STK4: variants seen among roughly 807,000 people sequenced by gnomAD.
The protein encoded by STK4 is serine/threonine kinase 4.
Under a neutral mutation model 64.9 loss-of-function variants are expected in STK4, and 30 were observed. The ratio of observed to expected loss-of-function variants is 0.46; its 90% confidence interval spans 0.35 to 0.63. STK4 has a LOEUF of 0.63. Ranked by LOEUF, STK4 falls within the 20% of genes least tolerant of loss-of-function variation. The probability of loss-of-function intolerance (pLI) is 0.01; values close to 1 mark genes in which losing one functional copy is unlikely to be tolerated. For missense variants in STK4, 466 were observed against 598.5 expected (o/e 0.78, Z 2.31); for synonymous variants, 177 against 199.0 (o/e 0.89, Z 0.93).
chr20:45,052,283 C>G (rs1047054212), intron 10 of STK4, among the ~76,000 whole-genome samples: 4 of 152,242 alleles, frequency 2.6e-5, no homozygotes, highest in Admixed American at 2.0e-4. Flanking sequence ...TTCCACCCCC[C>G]CCAGCAATAA....
chr20:45,007,743 T>G (rs2145712645), intron 9 of STK4: 1 of 403,920 alleles, frequency 2.5e-6, no homozygotes, highest in East Asian at 7.3e-5. Context: ...TTCGAAACAA[T>G]TGTTTATTCA....
intron 5 of STK4, among the ~76,000 whole-genome samples, chr20:44,988,533 G>GTGTGTGTA (rs1221720136): frequency 9.8e-6 from 1 of 101,586 alleles, no homozygotes; most frequent in Admixed American, 1.2e-4. Context: ...ATGTGTGTGT[G>GTGTGTGTA]TATATATATA....
chr20:44,999,146 C>T (rs1208881174), intron 7 of STK4, among the ~76,000 whole-genome samples: 1 of 151,578 alleles, frequency 6.6e-6, no homozygotes, highest in Non-Finnish European at 1.5e-5. Flanking sequence ...AATGAGTGGA[C>T]ACTAGCATGA....
intron 10 of STK4, among the ~76,000 whole-genome samples, chr20:45,048,058 C>T (rs2068723068): frequency 6.6e-6 from 1 of 152,150 alleles, no homozygotes; most frequent in South Asian, 2.1e-4. Context: ...AAAAGATGCT[C>T]AGTATATATA....
chr20:45,053,034 G>A (rs1447137738), intron 10 of STK4: 3 of 1,407,486 alleles, frequency 2.1e-6, no homozygotes, highest in Non-Finnish European at 3.0e-6. Flanking sequence ...TGTTGAGACT[G>A]AATTTATTTG....
In STK4 at chr20:45,064,087, C is replaced by T. The variant is rs529909982; in HGVS notation, c.1306-10931C>T. 1.1e-4 allele frequency among the ~76,000 whole-genome samples: 17 copies of T among 150,176 alleles called. No homozygotes were observed. The South Asian group carries it at 3.2e-3, about 28-fold the overall frequency. Reference sequence around the variant, plus strand: ...CCTCCCAAAGTGCTGGGATTACAGGCGTGAGCCACTGCGCCCGGCCAAGGG... The same window carrying T: ...CCTCCCAAAGTGCTGGGATTACAGGTGTGAGCCACTGCGCCCGGCCAAGGG... On this transcript the variant is annotated intron_variant, in intron 10 of 10. Coordinates refer to ENST00000372806, the MANE Select transcript of STK4 (RefSeq NM_006282.5).
chr20:44,967,134 G>T, intron 1 of STK4: 1 of 985,286 alleles, frequency 1.0e-6, no homozygotes, highest in South Asian at 4.7e-5. Context: ...GCAAGGGAGG[G>T]GATGGTGGAG....
chr20:45,043,824 C>T (rs1413161290), intron 10 of STK4, among the ~76,000 whole-genome samples: 1 of 152,202 alleles, frequency 6.6e-6, no homozygotes, highest in African/African-American at 2.4e-5. Context: ...CCTGTAGTCA[C>T]TTCATAAATG....
chr20:44,974,639 T>C (rs1222945684), intron 2 of STK4: 1 of 152,016 alleles, frequency 6.6e-6, no homozygotes, highest in African/African-American at 2.4e-5. Context: ...CCCGACTTAT[T>C]TTTTGTATTT....
At chr20:45,022,880 A>G (rs896579041) in intron 9 of STK4, among the ~76,000 whole-genome samples, 6 of 152,202 alleles carry the variant, frequency 3.9e-5, no homozygotes, top group Non-Finnish European at 7.3e-5. Flanking sequence ...ATAAAAATGA[A>G]TGGATGGATG....
At chr20:44,976,192 C>T (rs1391966580) in intron 2 of STK4, among the ~76,000 whole-genome samples, 2 of 152,054 alleles carry the variant, frequency 1.3e-5, no homozygotes, top group African/African-American at 4.8e-5. Context: ...GTAAACTAGA[C>T]AAACTGAAAG....
chr20:45,009,240 A>C (rs1486479129), intron 9 of STK4, among the ~76,000 whole-genome samples: 1 of 152,178 alleles, frequency 6.6e-6, no homozygotes, highest in Non-Finnish European at 1.5e-5. Context: ...ATCCACTTTC[A>C]ATCTTCTTAA....
intron 8 of STK4, 97 bp downstream of exon 8, chr20:45,000,617 TGGAGCTG>T: frequency 6.5e-7 from 1 of 1,538,878 alleles, no homozygotes. Context: ...TGGATCAACT[TGGAGCTG>T]GAGATGCTTC....
intron 10 of STK4, among the ~76,000 whole-genome samples, chr20:45,037,179 G>A (rs996593867): frequency 6.6e-6 from 1 of 152,088 alleles, no homozygotes; most frequent in Non-Finnish European, 1.5e-5. Flanking sequence ...CCCAGGGAAG[G>A]CACCAATAAG....
chr20:45,042,066 C>CG (rs2068622556), intron 10 of STK4, among the ~76,000 whole-genome samples: 7 of 152,174 alleles, frequency 4.6e-5, no homozygotes, highest in African/African-American at 1.7e-4. Context: ...AAGAAGGTTT[C>CG]AATGGCTGAA....
chr20:45,065,038 A>G (rs554409999), intron 10 of STK4, among the ~76,000 whole-genome samples: 1 of 152,172 alleles, frequency 6.6e-6, no homozygotes, highest in Non-Finnish European at 1.5e-5. Context: ...TTTCAGAGGG[A>G]ATGCTTCCAA....
At chr20:45,056,391 C>A (rs1004596635) in intron 10 of STK4, among the ~76,000 whole-genome samples, 1 of 152,116 alleles carries the variant, frequency 6.6e-6, no homozygotes, top group Non-Finnish European at 1.5e-5. Context: ...GCATACTGTT[C>A]TGAGATTTGT....
At chr20:45,041,833 A>G (rs1430918816) in intron 10 of STK4, among the ~76,000 whole-genome samples, 1 of 152,134 alleles carries the variant, frequency 6.6e-6, no homozygotes, top group Non-Finnish European at 1.5e-5. Flanking sequence ...CTCCTGGCAA[A>G]CATTGTTTGT....
At position 45,076,267 on chromosome 20, in the gene STK4, G is replaced by C. The variant is rs929163426; in HGVS notation, c.*1091G>C. ...CTCAATCTGAACACACAGAATGTCAGAGCTGGAAGGGACTATAGAGATCAT... is the reference window on the plus strand; with the variant it reads ...CTCAATCTGAACACACAGAATGTCACAGCTGGAAGGGACTATAGAGATCAT... On this transcript the variant is annotated 3_prime_UTR_variant, in exon 11 of 11. Transcript: ENST00000372806. The surrounding 1 kb of genome is among the most constrained non-coding windows in gnomAD (Gnocchi z 4.0). The C allele has an allele frequency of 6.6e-6, 1 of 152,222 alleles. No homozygotes were observed. Among genetic ancestry groups the C allele is most frequent in the Admixed American group, 6.5e-5 (1 of 15,284 alleles). The allele number at this position is 152,222 out of a possible 1,614,324, so 9.4% of individuals were successfully genotyped here.
Sources: allele counts gnomAD v4.1 joint callset (sites outside exome capture counted in the v4.1 genomes callset), GRCh38; gene constraint gnomAD v4.1.1; non-coding constraint Gnocchi (gnomAD v3.1); transcripts MANE v1.5; gene names NCBI Gene and HGNC (gene_info 2026-07-23, HGNC 2026-07-21).